GKAP1: variants seen among roughly 807,000 people sequenced by gnomAD.
The protein encoded by GKAP1 is G kinase anchoring protein 1, also known as G kinase-anchoring protein 1.
Under a neutral mutation model 56.7 loss-of-function variants are expected in GKAP1, and 31 were observed. The observed-to-expected ratio is 0.55, with a 90% CI of 0.41 to 0.74. The LOEUF is 0.74. Among genes scored for constraint, GKAP1 ranks in the 30% least tolerant of loss-of-function variants. The probability of loss-of-function intolerance (pLI) is 0.00; values close to 1 mark genes in which losing one functional copy is unlikely to be tolerated. For synonymous variants in GKAP1, 151 were observed against 138.6 expected, an observed-to-expected ratio of 1.09 and a Z score of -0.63; for missense variants, 364 against 402.3, an observed-to-expected ratio of 0.90 and a Z score of 0.82.
chr9:83,748,164 G>C, intron 10 of GKAP1, 145 bp downstream of exon 10: 1 of 514,192 alleles, frequency 1.9e-6, no homozygotes, highest in Non-Finnish European at 3.4e-6. Flanking sequence ...TAGGTATTTT[G>C]AAATATACAA....
intron 2 of GKAP1, among the ~76,000 whole-genome samples, chr9:83,810,415 C>A (rs943418789): frequency 6.6e-6 from 1 of 152,182 alleles, no homozygotes; most frequent in Non-Finnish European, 1.5e-5. Flanking sequence ...TGAAAAGAGT[C>A]TGAAGTTTTA....
intron 10 of GKAP1, 96 bp downstream of exon 10, chr9:83,748,213 C>A: frequency 1.3e-6 from 1 of 742,622 alleles, no homozygotes. Context: ...TGCTATCAAA[C>A]ACTTTTGTTG....
rs115593574 is a variant in GKAP1, at chr9:83,757,823, A to G, written c.739-4464T>C. On this transcript the variant is annotated intron_variant, in intron 8 of 12. Transcript: ENST00000376371. ...ATATTTCAAAGATTTAAAACTCTAA[A>G]AATCTTGAAAAACAGAAAAGTGAAA... Among the ~76,000 whole-genome samples, 1,040 of 152,246 alleles carry G rather than the reference A, an allele frequency of 6.8e-3. 16 individuals carry two copies. Among genetic ancestry groups the G allele is most frequent in the African/African-American group, 0.024 (995 of 41,550 alleles).
chr9:83,790,811 CAAAAAAAGAAAAAG>C (rs1408212279), intron 4 of GKAP1, among the ~76,000 whole-genome samples: 5 of 151,128 alleles, frequency 3.3e-5, no homozygotes, highest in South Asian at 2.1e-4. Flanking sequence ...GACTCCGTCT[CAAAAAAAGAAAAAG>C]AAAAAAAGAA....
chr9:83,805,288 C>T (rs2131321866), intron 3 of GKAP1, among the ~76,000 whole-genome samples: 1 of 152,128 alleles, frequency 6.6e-6, no homozygotes, highest in South Asian at 2.1e-4. Flanking sequence ...TAAGAATCAT[C>T]ACCACTCCCT....
intron 7 of GKAP1, among the ~76,000 whole-genome samples, chr9:83,771,823 C>G (rs1358873419): frequency 6.6e-6 from 1 of 152,160 alleles, no homozygotes; most frequent in Admixed American, 6.5e-5. Flanking sequence ...GAATAACATA[C>G]TGCTAGCAAC....
chr9:83,750,510 C>T (rs1943370587), intron 9 of GKAP1, among the ~76,000 whole-genome samples: 1 of 152,158 alleles, frequency 6.6e-6, no homozygotes, highest in African/African-American at 2.4e-5. Flanking sequence ...GCCTCAGCAA[C>T]ATGCATCATC....
intron 8 of GKAP1, among the ~76,000 whole-genome samples, chr9:83,757,738 T>C (rs1264683894): frequency 6.6e-6 from 1 of 151,504 alleles, no homozygotes; most frequent in African/African-American, 2.4e-5. Context: ...CAGTAAGAGA[T>C]AATGAGAGCC....
intron 8 of GKAP1, 138 bp downstream of exon 8, chr9:83,768,680 G>C: frequency 1.4e-6 from 1 of 704,416 alleles, no homozygotes; most frequent in South Asian, 1.8e-5. Flanking sequence ...AAATACCTTT[G>C]CGTGATAATT....
intron 9 of GKAP1, chr9:83,749,082 C>T (rs1427220265): frequency 6.6e-6 from 1 of 152,070 alleles, no homozygotes; most frequent in African/African-American, 2.4e-5. Context: ...AGCTTCTTCT[C>T]ACATTACAAA....
Position 83,774,273 on chromosome 9 carries a change from C to T in GKAP1, c.586-5303G>A, listed in dbSNP as rs562782904. Reference sequence around the variant, plus strand: ...AACCTAGGAAATACCAATGGGGACACTGGCCTTGGGAAAGAGTTTATGACC... The same window carrying T: ...AACCTAGGAAATACCAATGGGGACATTGGCCTTGGGAAAGAGTTTATGACC... On this transcript the variant is annotated intron_variant, in intron 7 of 12. Coordinates refer to ENST00000376371, the MANE Select transcript of GKAP1 (RefSeq NM_025211.4). 2.0e-5 allele frequency among the ~76,000 whole-genome samples: 3 copies of T among 152,218 alleles called. No individual in the cohort carries two copies. In the South Asian group the frequency reaches 6.2e-4, roughly 32 times the overall value.
In GKAP1 at chr9:83,748,191, G is replaced by A. The variant is rs1489830913; in HGVS notation, c.904+118C>T. ...AATATACAAATTATTGTTAACTATA[G>A]TCACCCTATTGTGCTATCAAACACT... On this transcript the variant is annotated intron_variant, in intron 10 of 12. Coordinates refer to ENST00000376371, the MANE Select transcript of GKAP1 (RefSeq NM_025211.4). The A allele has an allele frequency of 5.0e-6, 3 of 595,792 alleles. No homozygotes were observed. In the East Asian group the frequency reaches 8.7e-5, roughly 17 times the overall value. 36.9% of individuals were successfully genotyped at this position (595,792 alleles called of 1,614,324 possible). A position where few individuals can be genotyped will look rare whatever the true frequency, so the allele number is the denominator to read the frequency against.
At chr9:83,757,125 A>C (rs1358414692) in intron 8 of GKAP1, among the ~76,000 whole-genome samples, 1 of 152,130 alleles carries the variant, frequency 6.6e-6, no homozygotes, top group Non-Finnish European at 1.5e-5. Flanking sequence ...AAAAAGGAAA[A>C]TTATATCCAG....
At chr9:83,797,195 G>C (rs951214738) in intron 4 of GKAP1, among the ~76,000 whole-genome samples, 2 of 152,148 alleles carry the variant, frequency 1.3e-5, no homozygotes, top group Non-Finnish European at 2.9e-5. Flanking sequence ...GGTGATTTAG[G>C]AGTAGGAAAC....
chr9:83,746,423 C>G (rs977467340), intron 10 of GKAP1, among the ~76,000 whole-genome samples: 3 of 152,144 alleles, frequency 2.0e-5, no homozygotes, highest in African/African-American at 4.8e-5. Context: ...AGATTACTAG[C>G]TGGGCGTGGT....
At chr9:83,791,734 G>A (rs1944162967) in intron 4 of GKAP1, among the ~76,000 whole-genome samples, 1 of 152,138 alleles carries the variant, frequency 6.6e-6, no homozygotes, top group Non-Finnish European at 1.5e-5. Context: ...CTACCCAGTT[G>A]AGGATGTAAG....
intron 8 of GKAP1, among the ~76,000 whole-genome samples, chr9:83,754,322 C>T (rs1300870703): frequency 6.6e-6 from 1 of 152,184 alleles, no homozygotes; most frequent in Admixed American, 6.5e-5. Flanking sequence ...AACAAAAAAT[C>T]ACCCCAAAGT....
At position 83,812,960 on chromosome 9, in the gene GKAP1, CA is replaced by C. The variant is rs970337589; in HGVS notation, c.-44+4035del. Among the ~76,000 whole-genome samples the C allele has an allele frequency of 5.9e-5, 9 of 152,214 alleles. No individual in the cohort carries two copies. In the East Asian group the frequency reaches 1.7e-3, roughly 29 times the overall value. On this transcript the variant is annotated intron_variant, in intron 2 of 12. Coordinates refer to ENST00000376371, the MANE Select transcript of GKAP1 (RefSeq NM_025211.4). Reference sequence around the variant, plus strand: ...AAAAAGATAGTCATGTTATGCAATCCAGGAATTCCTCTGTAACTTTTTTTTT... The same window carrying C: ...AAAAAGATAGTCATGTTATGCAATCCGGAATTCCTCTGTAACTTTTTTTTT...
intron 6 of GKAP1, among the ~76,000 whole-genome samples, chr9:83,782,617 CAA>C (rs71498074): frequency 2.0e-5 from 3 of 149,650 alleles, no homozygotes; most frequent in Non-Finnish European, 3.0e-5. Flanking sequence ...CTCAGCCTCC[CAA>C]AGTGCTGGAA....
Sources: allele counts gnomAD v4.1 joint callset (sites outside exome capture counted in the v4.1 genomes callset), GRCh38; gene constraint gnomAD v4.1.1; transcripts MANE v1.5; gene names NCBI Gene and HGNC (gene_info 2026-07-23, HGNC 2026-07-21).